AGPS: variants seen among roughly 807,000 people sequenced by gnomAD.
AGPS encodes alkyldihydroxyacetonephosphate synthase, peroxisomal.
In AGPS, 26 loss-of-function variants were observed where a neutral mutation model predicts 90.7. The ratio of observed to expected loss-of-function variants is 0.29; its 90% CI spans 0.21 to 0.40. AGPS has a LOEUF of 0.40. Ranked by LOEUF, AGPS falls within the 10% of genes least tolerant of loss-of-function variation. The pLI is 1.00. For missense variants in AGPS, 540 were observed against 816.1 expected, an observed-to-expected ratio of 0.66 and a Z score of 4.12; for synonymous variants, 294 against 285.3, an observed-to-expected ratio of 1.03 and a Z score of -0.31.
At chr2:177,506,651 CTT>C (rs1688723762) in intron 15 of AGPS, among the ~76,000 whole-genome samples, 1 of 151,810 alleles carries the variant, frequency 6.6e-6, no homozygotes. Context: ...TAGTCCTCCT[CTT>C]TTGTCCCCTG....
chr2:177,483,089 T>C (rs867658724), intron 11 of AGPS, among the ~76,000 whole-genome samples: 31 of 152,164 alleles, frequency 2.0e-4, no homozygotes, highest in Middle Eastern at 3.4e-3. Flanking sequence ...CTTCCTGATA[T>C]CCAGAGCAGT....
chr2:177,476,340 T>C (rs1190446017), intron 10 of AGPS, among the ~76,000 whole-genome samples: 1 of 152,058 alleles, frequency 6.6e-6, no homozygotes, highest in East Asian at 1.9e-4. Context: ...TGCTTTACTT[T>C]ATCTGATAAG....
chr2:177,424,010 C>G (rs527326904), intron 2 of AGPS, among the ~76,000 whole-genome samples: 1 of 151,998 alleles, frequency 6.6e-6, no homozygotes, highest in African/African-American at 2.4e-5. Flanking sequence ...CATAGCTAAA[C>G]GTGTGACATG....
chr2:177,509,296 G>T (rs1688797769), intron 16 of AGPS, among the ~76,000 whole-genome samples: 2 of 151,936 alleles, frequency 1.3e-5, no homozygotes, highest in South Asian at 4.2e-4. Context: ...CACAAATTTT[G>T]ATGCTAAATT....
intron 1 of AGPS, chr2:177,393,643 G>C (rs992997359): frequency 1.3e-5 from 12 of 896,322 alleles, no homozygotes; most frequent in Non-Finnish European, 1.6e-5. Context: ...TTAAGGTGTG[G>C]TGGTATAGCT....
intron 19 of AGPS, among the ~76,000 whole-genome samples, chr2:177,529,052 T>G (rs1234064060): frequency 6.6e-6 from 1 of 151,998 alleles, no homozygotes; most frequent in African/African-American, 2.4e-5. Context: ...AGACGGGGTT[T>G]CACCATGTTG....
chr2:177,453,798 C>T (rs1173346110), intron 8 of AGPS, among the ~76,000 whole-genome samples: 2 of 144,680 alleles, frequency 1.4e-5, no homozygotes, highest in African/African-American at 2.5e-5. Context: ...AGTGATTCTC[C>T]TACCTCAGCC....
Position 177,502,813 on chromosome 2 carries a change from A to G in AGPS, c.1476-2693A>G, listed in dbSNP as rs1025623322. On this transcript the variant is annotated intron_variant, in intron 14 of 19. Coordinates refer to ENST00000264167, the MANE Select transcript of AGPS (RefSeq NM_003659.4). ...AGTATCCCACCAGTTTTCTGTAGGC[A>G]CTAATTTTTTGTTCTAATCACTGAA... Among the ~76,000 whole-genome samples, 91 of 152,186 alleles carry G rather than the reference A, an allele frequency of 6.0e-4. No homozygotes were observed. In the Middle Eastern group the frequency reaches 0.01, roughly 17 times the overall value.
chr2:177,413,928 T>G (rs999215762), intron 1 of AGPS, among the ~76,000 whole-genome samples: 2 of 152,192 alleles, frequency 1.3e-5, no homozygotes, highest in African/African-American at 2.4e-5. Flanking sequence ...TGGTAGATTA[T>G]GGTGTAGTGT....
At chr2:177,525,261 A>G (rs2079073153) in intron 19 of AGPS, among the ~76,000 whole-genome samples, 1 of 152,220 alleles carries the variant, frequency 6.6e-6, no homozygotes, top group Non-Finnish European at 1.5e-5. Flanking sequence ...AAATTTTCAG[A>G]AAGCCATATA....
chr2:177,533,259 C>A (rs1309977397), intron 19 of AGPS, among the ~76,000 whole-genome samples: 2 of 152,134 alleles, frequency 1.3e-5, no homozygotes, highest in Admixed American at 1.3e-4. Context: ...ACTGTGGAAA[C>A]CAACTTAACC....
intron 19 of AGPS, among the ~76,000 whole-genome samples, chr2:177,526,759 A>G (rs143942194): frequency 6.6e-6 from 1 of 152,356 alleles, no homozygotes; most frequent in African/African-American, 2.4e-5. Context: ...GATGCCTTTA[A>G]TAAACATGTA....
rs2105575900 is a variant in AGPS, at chr2:177,392,823, G to C, written c.34G>C (p.Gly12Arg). 4 of 1,551,016 alleles carry C rather than the reference G, an allele frequency of 2.6e-6. No homozygotes were observed. Among genetic ancestry groups the C allele is most frequent in the Non-Finnish European group, 3.5e-6 (4 of 1,155,376 alleles). The change falls in exon 1 of 20, where the codon GGC becomes CGC. Residue 12 changes from glycine (G) to arginine (R), a missense_variant. Physicochemically the swap from Gly to Arg is moderately radical, Grantham distance 125. Around this residue, in one of 2 missense-constraint regions of AGPS, gnomAD observed 135 missense variants for 124.0 expected, o/e 1.09. Coordinates refer to ENST00000264167, the MANE Select transcript of AGPS (RefSeq NM_003659.4). ...GGCGGCGGCTGCAGCGGGTGGGACT[G>C]GCTTGGGCGCGGGCGCGAGCTACGG... The part of the protein sequence containing the change: ...AEAAAAAGGT[G>R]LGAGASYGSA...
chr2:177,449,730 T>C (rs1186103244), intron 8 of AGPS, among the ~76,000 whole-genome samples: 1 of 152,188 alleles, frequency 6.6e-6, no homozygotes, highest in Non-Finnish European at 1.5e-5. Flanking sequence ...TCTGGCCTCA[T>C]TGTAGTTTTA....
chr2:177,496,151 T>C (rs990155680), intron 12 of AGPS, among the ~76,000 whole-genome samples: 4 of 152,134 alleles, frequency 2.6e-5, no homozygotes, highest in Non-Finnish European at 4.4e-5. Flanking sequence ...TTAATGGAAA[T>C]TGTGCATATA....
At chr2:177,434,150 C>G (rs1686329156) in intron 2 of AGPS, among the ~76,000 whole-genome samples, 177 bp from the exon 3 acceptor site, 3 of 152,076 alleles carry the variant, frequency 2.0e-5, no homozygotes, top group Non-Finnish European at 2.9e-5. Context: ...TTTGGTCTGT[C>G]TATACTGCCT....
intron 8 of AGPS, among the ~76,000 whole-genome samples, chr2:177,455,148 T>C (rs957664933): frequency 3.3e-5 from 5 of 152,202 alleles, no homozygotes; most frequent in African/African-American, 9.6e-5. Context: ...CTCTGGTCTT[T>C]GGTATTTCAC....
At chr2:177,485,594 C>G (rs1430410930) in intron 11 of AGPS, among the ~76,000 whole-genome samples, 2 of 151,990 alleles carry the variant, frequency 1.3e-5, no homozygotes, top group Non-Finnish European at 2.9e-5. Context: ...GGATGTTCAC[C>G]CAATGACTAT....
chr2:177,467,829 C>G (rs868355784), intron 9 of AGPS, among the ~76,000 whole-genome samples: 46 of 152,208 alleles, frequency 3.0e-4, no homozygotes, highest in Middle Eastern at 6.8e-3. Flanking sequence ...TCCTACTTCC[C>G]CAGTATACTT....
Sources: gnomAD v4.1 joint callset for allele counts (sites outside exome capture counted in the v4.1 genomes callset) on GRCh38, gnomAD v4.1.1 for gene constraint, gnomAD v4.1.1 regional missense constraint, MANE v1.5 for transcripts, NCBI Gene and HGNC (gene_info 2026-07-23, HGNC 2026-07-21) for gene names.